CFHR3: variants seen among roughly 807,000 people sequenced by gnomAD.
The protein encoded by CFHR3 is complement factor H-related protein 3.
A neutral mutation model predicts 36.0 loss-of-function variants in CFHR3; 22 were observed. That is an observed-to-expected ratio of 0.61 (90% confidence interval 0.44 to 0.87). The LOEUF (loss-of-function observed/expected upper bound fraction) is 0.87, where lower values mean the gene tolerates loss of function less well. Among genes scored for constraint, CFHR3 ranks in the 40% least tolerant of loss-of-function variants. The pLI, the probability that CFHR3 is intolerant of heterozygous loss-of-function variation, is 0.00. For missense variants in CFHR3, 276 were observed against 401.3 expected (o/e 0.69, Z 2.67); for synonymous variants, 97 against 137.4 (o/e 0.71, Z 2.06).
At position 196,775,112 on chromosome 1, in the gene CFHR3, A is replaced by T. The variant is rs369478531; in HGVS notation, c.58+168A>T. Among the ~76,000 whole-genome samples, 8 of 137,638 alleles carry T rather than the reference A, an allele frequency of 5.8e-5. 1 individual carries two copies. The South Asian group carries it at 1.3e-3, about 22-fold the overall frequency. 90.3% of individuals were successfully genotyped at this position (137,638 alleles called of 152,430 possible). On this transcript the variant is annotated intron_variant, in intron 1 of 5. Transcript: ENST00000367425. ...TATAACAGAAATTAATTTTATAAAA[A>T]ATTATCTCATTTTAACTTAAAGAAA... is the stretch of plus-strand genomic sequence containing the variant.
rs2124850534 is a variant in CFHR3, at chr1:196,783,831, C to T, written c.430+3858C>T. 1.5e-5 allele frequency among the ~76,000 whole-genome samples: 2 copies of T among 135,654 alleles called. 1 individual carries two copies. The highest frequency in any genetic ancestry group is 6.2e-5 in the African/African-American group (2 of 32,172). The allele number at this position is 135,654 out of a possible 152,430, so 89.0% of individuals were successfully genotyped here. A position where few individuals can be genotyped will look rare whatever the true frequency, so the allele number is the denominator to read the frequency against. On this transcript the variant is annotated intron_variant, in intron 3 of 5. Transcript: ENST00000367425. ...AGTTCTCCTCTGATTTTAGTTATTT[C>T]TTGCCTTCTGCTAGCTTTGAATGTG... is the stretch of plus-strand genomic sequence containing the variant.
At chr1:196,784,109 A>C (rs1271573994) in intron 3 of CFHR3, among the ~76,000 whole-genome samples, 3 of 135,642 alleles carry the variant, frequency 2.2e-5, no homozygotes, top group Non-Finnish European at 3.1e-5. Flanking sequence ...GTAGTTGAGC[A>C]GTTTTGAGTG....
chr1:196,785,349 C>T (rs1220505931), intron 3 of CFHR3, among the ~76,000 whole-genome samples: 1 of 133,960 alleles, frequency 7.5e-6, no homozygotes, highest in Non-Finnish European at 1.6e-5. Flanking sequence ...GAATGTTGGC[C>T]TGCCTTGCTA....
chr1:196,783,620 G>C lies in CFHR3; in HGVS notation c.430+3647G>C, dbSNP rs1654060135. 3.0e-5 allele frequency among the ~76,000 whole-genome samples: 4 copies of C among 134,116 alleles called. 1 individual carries two copies. Among genetic ancestry groups the C allele is most frequent in the African/African-American group, 1.3e-4 (4 of 31,128 alleles). 88.0% of individuals were successfully genotyped at this position (134,116 alleles called of 152,430 possible). ...GTGTTTGTAGTATTCTCTGATGGTA[G>C]TTTGTATTTCTGTGGGATTGGTGGT... On this transcript the variant is annotated intron_variant, in intron 3 of 5. Transcript: ENST00000367425.
At chr1:196,775,760 T>G (rs1653693605) in intron 1 of CFHR3, among the ~76,000 whole-genome samples, 1 of 136,158 alleles carries the variant, frequency 7.3e-6, no homozygotes, top group South Asian at 2.5e-4. Context: ...CAATCAAGGG[T>G]GTGTGTCCAT....
intron 1 of CFHR3, among the ~76,000 whole-genome samples, chr1:196,775,847 C>T (rs1278697954): frequency 1.5e-5 from 2 of 136,756 alleles, no homozygotes; most frequent in Admixed American, 7.0e-5. Context: ...TACTGGAAAT[C>T]CCATTATCAA....
At chr1:196,776,309 G>T (rs1442415856) in intron 1 of CFHR3, among the ~76,000 whole-genome samples, 4 of 136,332 alleles carry the variant, frequency 2.9e-5, no homozygotes, top group African/African-American at 1.2e-4. Context: ...GTAAATTTGG[G>T]TTGCACCTAT....
rs1653945680 is a variant in CFHR3 at position 196,781,473 on chromosome 1, G to T, written c.430+1500G>T. ...TCCTCTCCAGCACCTGTTGTTTCCTGACTTTTTAATGATTGCCATTCTAAC... is the reference window on the plus strand; with the variant it reads ...TCCTCTCCAGCACCTGTTGTTTCCTTACTTTTTAATGATTGCCATTCTAAC... On this transcript the variant is annotated intron_variant, in intron 3 of 5. Coordinates refer to ENST00000367425, the MANE Select transcript of CFHR3 (RefSeq NM_021023.6). Among the ~76,000 whole-genome samples the T allele has an allele frequency of 1.5e-5, 2 of 133,930 alleles. 1 individual carries two copies. The allele number at this position is 133,930 out of a possible 152,430, so 87.9% of individuals were successfully genotyped here. A position where few individuals can be genotyped will look rare whatever the true frequency, so the allele number is the denominator to read the frequency against.
In CFHR3 at chr1:196,788,157, C is replaced by T. The variant is rs551588188; in HGVS notation, c.431-59C>T. The T allele has an allele frequency of 2.5e-5, 31 of 1,258,440 alleles. 8 individuals carry two copies. In the African/African-American group the frequency reaches 5.4e-4, roughly 22 times the overall value. The allele number at this position is 1,258,440 out of a possible 1,614,324, so 78.0% of individuals were successfully genotyped here. On this transcript the variant is annotated intron_variant, in intron 3 of 5. Transcript: ENST00000367425. ...ATATTGCCATGTTTTTACTTGTTCC[C>T]TCCTATAAAAGAACTATTCAACTAA...
Position 196,794,290 on chromosome 1 carries a change from C to T in CFHR3, c.*777C>T, listed in dbSNP as rs1470481691. ...CCAGCCTGTTCAACACGGTGAAACC[C>T]TGTCTCTACTAAAAATAGAAAAACT... On this transcript the variant is annotated 3_prime_UTR_variant, in exon 6 of 6. Transcript: ENST00000367425. Among the ~76,000 whole-genome samples, 1 of 136,102 alleles carries T rather than the reference C, an allele frequency of 7.3e-6. No homozygotes were observed. The highest frequency in any genetic ancestry group is 1.6e-5 in the Non-Finnish European group (1 of 64,346). 89.3% of individuals were successfully genotyped at this position (136,102 alleles called of 152,430 possible). A position where few individuals can be genotyped will look rare whatever the true frequency, so the allele number is the denominator to read the frequency against.
chr1:196,791,622 G>T (rs1487806583), intron 5 of CFHR3, among the ~76,000 whole-genome samples: 1 of 129,680 alleles, frequency 7.7e-6, no homozygotes, highest in Non-Finnish European at 1.6e-5. Flanking sequence ...TCTTACAATG[G>T]GCTAAACCTT....
rs1228713927 is a variant in CFHR3, at chr1:196,785,276, T to C, written c.431-2940T>C. Among the ~76,000 whole-genome samples, 31 of 135,392 alleles carry C rather than the reference T, an allele frequency of 2.3e-4. 1 individual carries two copies. Among genetic ancestry groups the C allele is most frequent in the Non-Finnish European group, 4.5e-4 (29 of 64,306 alleles). The allele number at this position is 135,392 out of a possible 152,430, so 88.8% of individuals were successfully genotyped here. On this transcript the variant is annotated intron_variant, in intron 3 of 5. Coordinates refer to ENST00000367425, the MANE Select transcript of CFHR3 (RefSeq NM_021023.6). Reference sequence around the variant, plus strand: ...TCAACTTTGGTGAATCTGACAATTATGTGTCTTGGAGTTGCTCTTCTCTAG... The same window carrying C: ...TCAACTTTGGTGAATCTGACAATTACGTGTCTTGGAGTTGCTCTTCTCTAG...
chr1:196,783,094 C>T lies in CFHR3; in HGVS notation c.430+3121C>T, dbSNP rs1020423676. ...TTTTGTCTTTGGTTCTGTCTATATG[C>T]TGGATTACATTTATTGATTTGCGTA... On this transcript the variant is annotated intron_variant, in intron 3 of 5. Transcript: ENST00000367425. Among the ~76,000 whole-genome samples, 2 of 136,660 alleles carry T rather than the reference C, an allele frequency of 1.5e-5. 1 individual carries two copies. The highest frequency in any genetic ancestry group is 6.1e-5 in the African/African-American group (2 of 32,656). 89.7% of individuals were successfully genotyped at this position (136,660 alleles called of 152,430 possible). A position where few individuals can be genotyped will look rare whatever the true frequency, so the allele number is the denominator to read the frequency against.
intron 5 of CFHR3, among the ~76,000 whole-genome samples, chr1:196,791,050 A>C (rs643781): frequency 0.28 from 38,366 of 135,618 alleles, 10,940 homozygotes; most frequent in East Asian, 0.5. Flanking sequence ...TCCTGATAGA[A>C]CACATAGCTG....
At chr1:196,779,754 G>T in intron 2 of CFHR3, 43 bp from the exon 3 acceptor site, 1 of 1,456,860 alleles carries the variant, frequency 6.9e-7, no homozygotes, top group Non-Finnish European at 9.2e-7. Flanking sequence ...GCAAATTTAT[G>T]TTTCTCATTT....
In CFHR3 at chr1:196,778,076, C is replaced by A. The variant is rs1220038382; in HGVS notation, c.59-1086C>A. Among the ~76,000 whole-genome samples, 53 of 133,556 alleles carry A rather than the reference C, an allele frequency of 4.0e-4. 6 individuals carry two copies. Among genetic ancestry groups the A allele is most frequent in the Non-Finnish European group, 7.5e-4 (48 of 63,654 alleles). 87.6% of individuals were successfully genotyped at this position (133,556 alleles called of 152,430 possible). On this transcript the variant is annotated intron_variant, in intron 1 of 5. Coordinates refer to ENST00000367425, the MANE Select transcript of CFHR3 (RefSeq NM_021023.6). ...TTCTTCAGACTAAATAGCCTGCAAT[C>A]ATAAGAAAATGTAAGAGTATCTCAG...
At chr1:196,788,132 A>G in intron 3 of CFHR3, 84 bp from the exon 4 acceptor site, 2 of 973,484 alleles carry the variant, frequency 2.1e-6, no homozygotes, top group East Asian at 2.9e-5. Flanking sequence ...TTGTTTCGCC[A>G]TATTGCCATG....
In CFHR3 at chr1:196,789,311, A is replaced by G. The variant is rs1194702320; in HGVS notation, c.614-734A>G. ...AATATTAAGCTAAGAGAGAAAAAAG[A>G]TACACTTACAAAGTGATTATCTCAA... On this transcript the variant is annotated intron_variant, in intron 4 of 5. Transcript: ENST00000367425. 30 of 866,160 alleles carry G rather than the reference A, an allele frequency of 3.5e-5. 3 individuals are homozygous for G. Among genetic ancestry groups the G allele is most frequent in the Non-Finnish European group, 4.1e-5 (30 of 730,558 alleles). The allele number at this position is 866,160 out of a possible 1,614,324, so 53.7% of individuals were successfully genotyped here.
At chr1:196,781,487 T>C (rs1483168318) in intron 3 of CFHR3, among the ~76,000 whole-genome samples, 1 of 134,170 alleles carries the variant, frequency 7.5e-6, no homozygotes, top group African/African-American at 3.2e-5. Flanking sequence ...TTTTAATGAT[T>C]GCCATTCTAA....
Sources: allele counts gnomAD v4.1 joint callset (sites outside exome capture counted in the v4.1 genomes callset), GRCh38; gene constraint gnomAD v4.1.1; transcripts MANE v1.5; gene names NCBI Gene and HGNC (gene_info 2026-07-23, HGNC 2026-07-21).